The following IL1RAPL2 variants were observed in gnomAD, a reference collection of about 807,000 sequenced individuals.
The protein encoded by IL1RAPL2 is interleukin 1 receptor accessory protein like 2, also known as X-linked interleukin-1 receptor accessory protein-like 2.
In IL1RAPL2, 3 loss-of-function variants were observed where a neutral mutation model predicts 44.1. The observed-to-expected ratio is 0.07, with a 90% CI of 0.03 to 0.18. The LOEUF (loss-of-function observed/expected upper bound fraction) is 0.18. Ranked by LOEUF, IL1RAPL2 falls within the 10% of genes least tolerant of loss-of-function variation. The pLI, the probability that IL1RAPL2 is intolerant of heterozygous loss-of-function variation, is 1.00. For missense variants in IL1RAPL2, 391 were observed against 496.4 expected (o/e 0.79, Z 2.02); for synonymous variants, 181 against 178.8 (o/e 1.01, Z -0.10).
chrX:105,697,123 C>G (rs968563332), intron 6 of IL1RAPL2, among the ~76,000 whole-genome samples: 2 of 109,865 alleles, frequency 1.8e-5, no homozygotes, highest in East Asian at 2.9e-4. Context: ...ATAGAGCTCT[C>G]GAGAGCTCAT....
intron 1 of IL1RAPL2, among the ~76,000 whole-genome samples, chrX:104,630,517 C>T (rs1403243287): frequency 4.7e-5 from 5 of 107,269 alleles, no homozygotes; most frequent in Admixed American, 2.0e-4. Flanking sequence ...AGACTGGTCT[C>T]GAACTTCTGA....
intron 2 of IL1RAPL2, among the ~76,000 whole-genome samples, chrX:105,025,639 T>A (rs958365816): frequency 1.5e-4 from 17 of 111,556 alleles, no homozygotes; most frequent in East Asian, 5.6e-4. Context: ...AAACTTATTA[T>A]GTTACTGCAA....
chrX:104,812,688 A>C (rs1292440181), intron 2 of IL1RAPL2, among the ~76,000 whole-genome samples: 1 of 111,351 alleles, frequency 9.0e-6, no homozygotes, highest in East Asian at 2.8e-4. Context: ...GAATAGAAAC[A>C]AAATTATAGT....
intron 6 of IL1RAPL2, among the ~76,000 whole-genome samples, chrX:105,503,173 A>G (rs1256382492): frequency 1.8e-5 from 2 of 111,064 alleles, no homozygotes; most frequent in African/African-American, 6.5e-5. Flanking sequence ...GAAAAACATA[A>G]CTTTTCCATC....
intron 5 of IL1RAPL2, among the ~76,000 whole-genome samples, chrX:105,386,474 T>C: frequency 9.0e-6 from 1 of 111,493 alleles, no homozygotes; most frequent in Non-Finnish European, 1.9e-5. Flanking sequence ...ATCATTTATA[T>C]ACATTTATAT....
At chrX:105,138,306 T>G (rs1019036866) in intron 2 of IL1RAPL2, among the ~76,000 whole-genome samples, 2 of 110,946 alleles carry the variant, frequency 1.8e-5, no homozygotes, top group Non-Finnish European at 3.8e-5. Context: ...TTGTTTCAAA[T>G]GCTGCCTTAC....
chrX:105,138,026 T>C (rs1427777321), intron 2 of IL1RAPL2, among the ~76,000 whole-genome samples: 1 of 112,085 alleles, frequency 8.9e-6, no homozygotes, highest in East Asian at 2.8e-4. Flanking sequence ...TGAGCCATGA[T>C]TGTGCCACTG....
intron 2 of IL1RAPL2, among the ~76,000 whole-genome samples, chrX:104,950,676 A>G (rs1315514112): frequency 9.4e-6 from 1 of 106,903 alleles, no homozygotes; most frequent in Non-Finnish European, 1.9e-5. Context: ...TCTCCTGGTG[A>G]GCTGTTTTTT....
chrX:104,967,798 C>A (rs2030155712), intron 2 of IL1RAPL2, among the ~76,000 whole-genome samples: 1 of 110,967 alleles, frequency 9.0e-6, no homozygotes, highest in African/African-American at 3.3e-5. Context: ...AGAACTTAGA[C>A]AAAATGCATG....
At chrX:105,460,964 A>C (rs898417343) in intron 5 of IL1RAPL2, among the ~76,000 whole-genome samples, 2 of 111,989 alleles carry the variant, frequency 1.8e-5, no homozygotes, top group African/African-American at 6.5e-5. Context: ...TAGAGATATG[A>C]TTGAAGGAAC....
intron 6 of IL1RAPL2, among the ~76,000 whole-genome samples, chrX:105,686,468 CAAAG>C (rs1247770175): frequency 9.8e-6 from 1 of 101,848 alleles, no homozygotes; most frequent in East Asian, 3.1e-4. Flanking sequence ...TCAAAAGAGA[CAAAG>C]AAGGCCATTA....
intron 2 of IL1RAPL2, among the ~76,000 whole-genome samples, chrX:105,031,224 A>T (rs949282382): frequency 9.2e-6 from 1 of 108,595 alleles, no homozygotes; most frequent in Non-Finnish European, 1.9e-5. Context: ...TCCTAATTGA[A>T]TACCCTTTAT....
intron 2 of IL1RAPL2, among the ~76,000 whole-genome samples, chrX:104,887,169 G>A (rs900419449): frequency 8.0e-5 from 9 of 112,290 alleles, no homozygotes; most frequent in Admixed American, 3.8e-4. Flanking sequence ...CCCAGATATA[G>A]TGAGATGACT....
chrX:105,383,311 T>C (rs2147725155), intron 5 of IL1RAPL2, among the ~76,000 whole-genome samples: 1 of 111,384 alleles, frequency 9.0e-6, no homozygotes, highest in South Asian at 3.8e-4. Flanking sequence ...TCTATCTACA[T>C]GAAATCATGT....
chrX:104,890,271 T>A (rs982063109), intron 2 of IL1RAPL2, among the ~76,000 whole-genome samples: 3 of 112,001 alleles, frequency 2.7e-5, no homozygotes, highest in African/African-American at 9.8e-5. Context: ...TGTGCATGTA[T>A]CTTTATAGCA....
In IL1RAPL2 at chrX:105,740,897, G is replaced by A. The variant is rs189522754; in HGVS notation, c.1048+206G>A. On this transcript the variant is annotated intron_variant, in intron 8 of 10. Coordinates refer to ENST00000372582, the MANE Select transcript of IL1RAPL2 (RefSeq NM_017416.2). Reference sequence around the variant, plus strand: ...CCATTAGGAAGTGGATAAATGAAATGAAGTATTGTCATATGTTAAATCCAG... The same window carrying A: ...CCATTAGGAAGTGGATAAATGAAATAAAGTATTGTCATATGTTAAATCCAG... Among the ~76,000 whole-genome samples the A allele has an allele frequency of 6.3e-5, 7 of 111,726 alleles. No homozygotes were observed. The East Asian group carries it at 2.0e-3, about 32-fold the overall frequency.
chrX:104,696,310 G>A (rs1265561821), intron 2 of IL1RAPL2, among the ~76,000 whole-genome samples: 1 of 112,045 alleles, frequency 8.9e-6, no homozygotes, highest in Non-Finnish European at 1.9e-5. Context: ...ACTTGTTCAG[G>A]AACCCAGGTG....
intron 1 of IL1RAPL2, among the ~76,000 whole-genome samples, chrX:104,653,467 T>C (rs773650732): frequency 9.0e-6 from 1 of 111,387 alleles, no homozygotes; most frequent in East Asian, 2.8e-4. Context: ...AAGTTCAGCA[T>C]GTCTAATGGT....
chrX:105,688,831 G>T (rs1272907700), intron 6 of IL1RAPL2, among the ~76,000 whole-genome samples: 1 of 111,702 alleles, frequency 9.0e-6, no homozygotes, highest in Non-Finnish European at 1.9e-5. Flanking sequence ...TGTACTACAA[G>T]GCTACAGTAA....
Sources: allele counts gnomAD v4.1 joint callset (sites outside exome capture counted in the v4.1 genomes callset), GRCh38; gene constraint gnomAD v4.1.1; transcripts MANE v1.5; gene names NCBI Gene and HGNC (gene_info 2026-07-23, HGNC 2026-07-21).